The following ASCC3 variants were observed in gnomAD, a reference collection of about 807,000 sequenced individuals.
The protein encoded by ASCC3 is activating signal cointegrator 1 complex subunit 3.
Under a neutral mutation model 256.3 loss-of-function variants are expected in ASCC3, and 158 were observed. The ratio of observed to expected loss-of-function variants is 0.62; its 90% CI spans 0.54 to 0.70. ASCC3 has a LOEUF of 0.70. Among genes scored for constraint, ASCC3 ranks in the 30% least tolerant of loss-of-function variants. The pLI, the probability that ASCC3 is intolerant of heterozygous loss-of-function variation, is 0.00. For missense variants in ASCC3, 2,259 were observed against 2,626.0 expected (o/e 0.86, Z 3.05); for synonymous variants, 948 against 883.4 (o/e 1.07, Z -1.30).
At chr6:100,666,226 T>A (rs982257380) in intron 14 of ASCC3, among the ~76,000 whole-genome samples, 3 of 152,162 alleles carry the variant, frequency 2.0e-5, no homozygotes, top group African/African-American at 7.2e-5. Flanking sequence ...GACCTCTCAC[T>A]GAAGGACATG....
At position 100,510,120 on chromosome 6, in the gene ASCC3, A is replaced by G; in HGVS notation, c.6286-13T>C. 1 of 1,613,946 alleles carries G rather than the reference A, an allele frequency of 6.2e-7. No homozygotes were observed. Among genetic ancestry groups the G allele is most frequent in the Non-Finnish European group, 8.5e-7 (1 of 1,179,846 alleles). On this transcript the variant is annotated splice_polypyrimidine_tract_variant and intron_variant, in intron 40 of 41. Transcript: ENST00000369162. ...TCTCTGGCTTTCCCTGTAAACCAGA[A>G]AAAAAGATACAACATTAAAAATATC...
At chr6:100,667,957 T>A (rs991083481) in intron 14 of ASCC3, among the ~76,000 whole-genome samples, 5 of 151,774 alleles carry the variant, frequency 3.3e-5, no homozygotes, top group Non-Finnish European at 7.4e-5. Flanking sequence ...AGAAAAAAAA[T>A]TAACACTCTT....
chr6:100,544,075 T>C (rs937940498), intron 36 of ASCC3, among the ~76,000 whole-genome samples: 1 of 151,800 alleles, frequency 6.6e-6, no homozygotes, highest in South Asian at 2.1e-4. Flanking sequence ...TAACTCATGA[T>C]TGAAAGAAAA....
intron 2 of ASCC3, among the ~76,000 whole-genome samples, chr6:100,866,789 T>C (rs114911711): frequency 0.011 from 1,674 of 152,298 alleles, 29 homozygotes; most frequent in African/African-American, 0.038. Flanking sequence ...CTTGGACTTC[T>C]AGCTACAGAA....
At chr6:100,863,543 T>C (rs915544326) in intron 3 of ASCC3, among the ~76,000 whole-genome samples, 7 of 152,186 alleles carry the variant, frequency 4.6e-5, no homozygotes, top group Non-Finnish European at 7.4e-5. Context: ...GATAGTATTA[T>C]AATTACTAAT....
intron 37 of ASCC3, among the ~76,000 whole-genome samples, chr6:100,529,172 T>C (rs1054418072): frequency 6.6e-6 from 1 of 151,928 alleles, no homozygotes; most frequent in Admixed American, 6.6e-5. Flanking sequence ...ATGTGTTTAT[T>C]ATAGTAAACC....
intron 10 of ASCC3, among the ~76,000 whole-genome samples, chr6:100,758,285 G>A (rs1781277653): frequency 6.6e-6 from 1 of 152,134 alleles, no homozygotes; most frequent in Non-Finnish European, 1.5e-5. Context: ...TACATGTGCA[G>A]AGTGTGCAGG....
intron 22 of ASCC3, among the ~76,000 whole-genome samples, chr6:100,644,752 T>C (rs1207758066): frequency 6.6e-6 from 1 of 152,116 alleles, no homozygotes; most frequent in Non-Finnish European, 1.5e-5. Context: ...TCCCAACTGC[T>C]GTGGTAAGGC....
intron 10 of ASCC3, among the ~76,000 whole-genome samples, chr6:100,754,717 T>A (rs974625051): frequency 1.3e-5 from 2 of 152,186 alleles, no homozygotes; most frequent in African/African-American, 4.8e-5. Flanking sequence ...TGATATGGTA[T>A]GGCTGTGTCA....
intron 10 of ASCC3, among the ~76,000 whole-genome samples, chr6:100,762,825 T>C (rs753082444): frequency 3.9e-5 from 6 of 152,062 alleles, no homozygotes; most frequent in Non-Finnish European, 5.9e-5. Flanking sequence ...CCAATGAAAG[T>C]TTATGAGCAA....
At chr6:100,545,455 C>T (rs762590044) in intron 36 of ASCC3, among the ~76,000 whole-genome samples, 3 of 152,102 alleles carry the variant, frequency 2.0e-5, no homozygotes, top group Admixed American at 6.5e-5. Context: ...GGATTACAGG[C>T]GTGAGCCACA....
At chr6:100,576,957 G>T (rs1770899902) in intron 36 of ASCC3, among the ~76,000 whole-genome samples, 1 of 151,262 alleles carries the variant, frequency 6.6e-6, no homozygotes, top group South Asian at 2.1e-4. Context: ...CTGTTGACTG[G>T]AGTAGTTTCA....
chr6:100,634,864 C>CAA (rs199632200), intron 25 of ASCC3, among the ~76,000 whole-genome samples: 60 of 119,322 alleles, frequency 5.0e-4, no homozygotes, highest in African/African-American at 1.7e-3. Context: ...CCTCAAAAAA[C>CAA]AAAAAAAAAA....
chr6:100,533,469 A>G (rs1775015235), intron 37 of ASCC3, among the ~76,000 whole-genome samples: 1 of 152,248 alleles, frequency 6.6e-6, no homozygotes, highest in Non-Finnish European at 1.5e-5. Context: ...TAAAATACAC[A>G]CAAGTGTTTT....
At chr6:100,687,374 G>T (rs1330503173) in intron 13 of ASCC3, among the ~76,000 whole-genome samples, 2 of 151,908 alleles carry the variant, frequency 1.3e-5, no homozygotes, top group Admixed American at 1.3e-4. Context: ...TTGTTTGTTT[G>T]TTTTTTGAGA....
intron 17 of ASCC3, 73 bp from the exon 18 acceptor site, chr6:100,652,962 T>C (rs953146140): frequency 5.6e-6 from 8 of 1,432,140 alleles, no homozygotes; most frequent in African/African-American, 1.4e-5. Flanking sequence ...TATTTATTTA[T>C]GGAAATTAAA....
chr6:100,714,956 T>C (rs1779022627), intron 13 of ASCC3, among the ~76,000 whole-genome samples: 1 of 152,042 alleles, frequency 6.6e-6, no homozygotes, highest in Non-Finnish European at 1.5e-5. Flanking sequence ...ACTTTACATG[T>C]CATAAAAGGC....
intron 3 of ASCC3, among the ~76,000 whole-genome samples, chr6:100,852,891 A>G (rs1414638368): frequency 2.0e-5 from 3 of 152,116 alleles, no homozygotes; most frequent in Admixed American, 6.5e-5. Flanking sequence ...GGTCCCTACA[A>G]TACTTTTATT....
intron 36 of ASCC3, among the ~76,000 whole-genome samples, chr6:100,568,072 T>C (rs1770364595): frequency 6.6e-6 from 1 of 152,056 alleles, no homozygotes; most frequent in Admixed American, 6.6e-5. Context: ...TGACTTTTAA[T>C]AATAGCCATT....
Sources: allele counts gnomAD v4.1 joint callset (sites outside exome capture counted in the v4.1 genomes callset), GRCh38; gene constraint gnomAD v4.1.1; transcripts MANE v1.5; gene names NCBI Gene and HGNC (gene_info 2026-07-23, HGNC 2026-07-21).